The following SLCO3A1 variants were observed in gnomAD, a reference collection of about 807,000 sequenced individuals.
SLCO3A1 encodes the protein PGE1 transporter.
A neutral mutation model predicts 63.1 loss-of-function variants in SLCO3A1; 27 were observed. The observed-to-expected ratio is 0.43, with a 90% CI of 0.32 to 0.59. SLCO3A1 has a LOEUF of 0.59. SLCO3A1 is among the 20% of genes least tolerant of loss of function. SLCO3A1 has a pLI of 0.09. For missense variants in SLCO3A1, 773 were observed against 945.8 expected (o/e 0.82, Z 2.40); for synonymous variants, 473 against 409.9 (o/e 1.15, Z -1.86).
At chr15:92,127,380 C>T (rs11074042) in intron 6 of SLCO3A1, among the ~76,000 whole-genome samples, 117,178 of 151,508 alleles carry the variant, frequency 0.77, 46,250 homozygotes, top group Middle Eastern at 0.88. Context: ...CATCACACAG[C>T]CCTAGTTCCA....
In SLCO3A1 at chr15:91,954,756, C is replaced by G. The variant is rs1900113593; in HGVS notation, c.646+38298C>G. Among the ~76,000 whole-genome samples, 1 of 152,086 alleles carries G rather than the reference C, an allele frequency of 6.6e-6. No homozygotes were observed. Among genetic ancestry groups the G allele is most frequent in the African/African-American group, 2.4e-5 (1 of 41,394 alleles). On this transcript the variant is annotated intron_variant, in intron 2 of 9. Transcript: ENST00000318445. This position sits in a 1 kb window ranked among gnomAD's most constrained non-coding sequence, Gnocchi z 4.7. ...GAGGGGTTGACCTGCGAAGCACCCTCTGCTTCCTCCTTCCTTCTCCAACAG... is the reference window on the plus strand; with the variant it reads ...GAGGGGTTGACCTGCGAAGCACCCTGTGCTTCCTCCTTCCTTCTCCAACAG...
Position 91,888,473 on chromosome 15 carries a change from T to A in SLCO3A1, c.181-27520T>A, listed in dbSNP as rs145039390. Among the ~76,000 whole-genome samples the A allele has an allele frequency of 7.2e-5, 11 of 152,298 alleles. No individual in the cohort carries two copies. The East Asian group carries it at 2.1e-3, about 29-fold the overall frequency. Reference sequence around the variant, plus strand: ...GATTTTAACAAGCAGTTAGCTAAAGTGTTTAGTGTGACTCTAGAATTAAAC... The same window carrying A: ...GATTTTAACAAGCAGTTAGCTAAAGAGTTTAGTGTGACTCTAGAATTAAAC... On this transcript the variant is annotated intron_variant, in intron 1 of 9. Coordinates refer to ENST00000318445, the MANE Select transcript of SLCO3A1 (RefSeq NM_013272.4).
intron 2 of SLCO3A1, among the ~76,000 whole-genome samples, chr15:91,952,045 A>G (rs2151412242): frequency 6.6e-6 from 1 of 152,222 alleles, no homozygotes; most frequent in African/African-American, 2.4e-5. Flanking sequence ...GCCAACACTT[A>G]TTATTGTCTC....
chr15:91,965,534 C>T (rs902718987), intron 2 of SLCO3A1, among the ~76,000 whole-genome samples: 2 of 152,194 alleles, frequency 1.3e-5, no homozygotes, highest in African/African-American at 2.4e-5. Context: ...TCCCACCCCA[C>T]CCCCTAACTT....
chr15:92,095,164 C>A (rs2047523369), intron 3 of SLCO3A1, among the ~76,000 whole-genome samples, 185 bp downstream of exon 3: 1 of 152,202 alleles, frequency 6.6e-6, no homozygotes, highest in African/African-American at 2.4e-5. Flanking sequence ...GGGCCTGACT[C>A]AAGTCTGGGT....
intron 7 of SLCO3A1, among the ~76,000 whole-genome samples, chr15:92,134,290 G>C (rs897750434): frequency 1.3e-5 from 2 of 152,192 alleles, no homozygotes; most frequent in African/African-American, 2.4e-5. Flanking sequence ...CCTGGTAATG[G>C]CTTGTCAGAA....
chr15:92,148,491 G>A (rs958493945), intron 8 of SLCO3A1, among the ~76,000 whole-genome samples: 47 of 152,098 alleles, frequency 3.1e-4, no homozygotes, highest in African/African-American at 1.1e-3. Context: ...GGGTATAATA[G>A]CAAATTACCA....
At chr15:91,934,733 A>T (rs1776788865) in intron 2 of SLCO3A1, among the ~76,000 whole-genome samples, 1 of 152,212 alleles carries the variant, frequency 6.6e-6, no homozygotes, top group South Asian at 2.1e-4. Context: ...GATGAATTTC[A>T]TTACCACATA....
intron 2 of SLCO3A1, among the ~76,000 whole-genome samples, chr15:92,008,263 C>T (rs987986546): frequency 2.0e-5 from 3 of 152,192 alleles, no homozygotes; most frequent in African/African-American, 7.2e-5. Context: ...CTGGACCCAG[C>T]AAGTGAGACC....
intron 2 of SLCO3A1, among the ~76,000 whole-genome samples, chr15:92,069,630 G>A (rs1369788513): frequency 6.6e-6 from 1 of 152,172 alleles, no homozygotes; most frequent in East Asian, 1.9e-4. Context: ...CAGGACCTTG[G>A]GGGCAGAGGG....
chr15:92,054,487 A>G (rs956927892), intron 2 of SLCO3A1, among the ~76,000 whole-genome samples: 3 of 152,168 alleles, frequency 2.0e-5, no homozygotes, highest in African/African-American at 4.8e-5. Context: ...ATACATGTGC[A>G]TGATGTGCAG....
chr15:91,975,661 T>C (rs942193851), intron 2 of SLCO3A1, among the ~76,000 whole-genome samples: 2 of 152,214 alleles, frequency 1.3e-5, no homozygotes, highest in African/African-American at 2.4e-5. Context: ...GGTACAACCT[T>C]CCTCTCAGCC....
chr15:91,925,423 C>T (rs1898977756), intron 2 of SLCO3A1, among the ~76,000 whole-genome samples: 1 of 151,210 alleles, frequency 6.6e-6, no homozygotes, highest in Non-Finnish European at 1.5e-5. Flanking sequence ...TAAAATGCCT[C>T]ACAGAAGAGT....
intron 7 of SLCO3A1, among the ~76,000 whole-genome samples, chr15:92,146,290 C>T (rs1027413902): frequency 2.0e-5 from 3 of 152,162 alleles, no homozygotes; most frequent in Non-Finnish European, 4.4e-5. Flanking sequence ...GAATCCACCC[C>T]GAAGATCAAA....
At chr15:91,939,160 T>C (rs1251702626) in intron 2 of SLCO3A1, among the ~76,000 whole-genome samples, 2 of 152,118 alleles carry the variant, frequency 1.3e-5, no homozygotes, top group African/African-American at 4.8e-5. Context: ...GGGAGGCCTC[T>C]GGGAAGCTTC....
chr15:91,939,435 C>A (rs1020169380), intron 2 of SLCO3A1, among the ~76,000 whole-genome samples: 1 of 152,120 alleles, frequency 6.6e-6, no homozygotes, highest in Admixed American at 6.5e-5. Flanking sequence ...ATCATATAGG[C>A]GCTATAGCAG....
intron 2 of SLCO3A1, among the ~76,000 whole-genome samples, chr15:92,010,516 G>C (rs2046357725): frequency 6.6e-6 from 1 of 152,060 alleles, no homozygotes; most frequent in African/African-American, 2.4e-5. Flanking sequence ...ATATTGATTG[G>C]TGTTAGTATA....
At chr15:91,944,425 T>C (rs537787320) in intron 2 of SLCO3A1, among the ~76,000 whole-genome samples, 8 of 152,192 alleles carry the variant, frequency 5.3e-5, no homozygotes, top group South Asian at 2.1e-4. Context: ...AGACAAAGCA[T>C]TGGGTGAACC....
intron 9 of SLCO3A1, among the ~76,000 whole-genome samples, chr15:92,159,390 C>T (rs1009081082): frequency 6.6e-6 from 1 of 151,606 alleles, no homozygotes; most frequent in Non-Finnish European, 1.5e-5. Context: ...GAGACTGAGG[C>T]AGGAAAATCA....
Sources: allele counts gnomAD v4.1 joint callset (sites outside exome capture counted in the v4.1 genomes callset), GRCh38; gene constraint gnomAD v4.1.1; non-coding constraint Gnocchi (gnomAD v3.1); transcripts MANE v1.5; gene names NCBI Gene and HGNC (gene_info 2026-07-23, HGNC 2026-07-21).